The following ANO6 variants were observed in gnomAD, a reference collection of about 807,000 sequenced individuals.
The protein encoded by ANO6 is anoctamin 6.
ANO6 carries 106 observed loss-of-function variants against 117.5 expected under a neutral mutation model. That is an observed-to-expected ratio of 0.90 (90% confidence interval 0.77 to 1.06). The LOEUF (loss-of-function observed/expected upper bound fraction) is 1.06, where lower values mean the gene tolerates loss of function less well. ANO6 is among the 50% of genes least tolerant of loss of function. ANO6 has a pLI of 0.00. For missense variants in ANO6, 955 were observed against 1,121.1 expected (o/e 0.85, Z 2.12); for synonymous variants, 367 against 385.1 (o/e 0.95, Z 0.55).
intron 1 of ANO6, among the ~76,000 whole-genome samples, chr12:45,265,635 C>T (rs550114648): frequency 1.3e-5 from 2 of 152,138 alleles, no homozygotes; most frequent in African/African-American, 2.4e-5. Flanking sequence ...TCCAGTTAAC[C>T]TTCCCGATTC....
In ANO6 at chr12:45,431,105, A is replaced by G; in HGVS notation, c.*1794A>G. 1.6e-5 allele frequency: 16 copies of G among 985,452 alleles called. No individual in the cohort carries two copies. Among genetic ancestry groups the G allele is most frequent in the Non-Finnish European group, 1.9e-5 (16 of 829,922 alleles). The allele number at this position is 985,452 out of a possible 1,614,324, so 61.0% of individuals were successfully genotyped here. ...GTATTGTAGGCTTTTGAATTGTCCCAGTGGATCCGGGACCCCATTTCACTG... is the reference window on the plus strand; with the variant it reads ...GTATTGTAGGCTTTTGAATTGTCCCGGTGGATCCGGGACCCCATTTCACTG... On this transcript the variant is annotated 3_prime_UTR_variant, in exon 20 of 20. Transcript: ENST00000320560.
chr12:45,393,265 A>G (rs973042830), intron 12 of ANO6, among the ~76,000 whole-genome samples: 9 of 152,208 alleles, frequency 5.9e-5, no homozygotes, highest in Admixed American at 3.3e-4. Flanking sequence ...AGATCAAATT[A>G]ATGAAATAAA....
intron 1 of ANO6, among the ~76,000 whole-genome samples, chr12:45,300,674 T>C (rs1212496183): frequency 6.6e-6 from 1 of 152,184 alleles, no homozygotes; most frequent in African/African-American, 2.4e-5. Context: ...GCTGGACCTA[T>C]TGATAAATGA....
At chr12:45,224,427 A>ATG (rs553520702) in intron 1 of ANO6, among the ~76,000 whole-genome samples, 3 of 151,988 alleles carry the variant, frequency 2.0e-5, no homozygotes, top group Non-Finnish European at 4.4e-5. Flanking sequence ...ATATATACAT[A>ATG]TGTGTGTGTG....
At chr12:45,345,157 TG>T (rs1464592701) in intron 3 of ANO6, among the ~76,000 whole-genome samples, 1 of 152,226 alleles carries the variant, frequency 6.6e-6, no homozygotes, top group Non-Finnish European at 1.5e-5. Context: ...GAACAGTGTC[TG>T]GCATGTTTTA....
At chr12:45,314,698 A>G (rs1276406799) in intron 2 of ANO6, among the ~76,000 whole-genome samples, 1 of 152,032 alleles carries the variant, frequency 6.6e-6, no homozygotes, top group African/African-American at 2.4e-5. Context: ...TCAGGATTTT[A>G]CCAGGTCTTT....
intron 10 of ANO6, among the ~76,000 whole-genome samples, chr12:45,383,773 T>C (rs745980109): frequency 6.6e-6 from 1 of 152,214 alleles, no homozygotes; most frequent in Non-Finnish European, 1.5e-5. Flanking sequence ...CTAGGCTCTA[T>C]TGTTCCATTT....
chr12:45,391,574 A>G (rs1486036764), intron 12 of ANO6, among the ~76,000 whole-genome samples: 1 of 152,208 alleles, frequency 6.6e-6, no homozygotes, highest in African/African-American at 2.4e-5. Flanking sequence ...AAACATTAAA[A>G]AAAAAATTAA....
At chr12:45,425,458 C>T (rs1191091847) in intron 19 of ANO6, among the ~76,000 whole-genome samples, 3 of 152,128 alleles carry the variant, frequency 2.0e-5, no homozygotes, top group African/African-American at 4.8e-5. Context: ...AAATGCGGCA[C>T]ACCAAAAATA....
intron 3 of ANO6, among the ~76,000 whole-genome samples, chr12:45,332,308 TCTCACA>T (rs1434483585): frequency 4.0e-4 from 59 of 148,336 alleles, no homozygotes; most frequent in Admixed American, 1.3e-3. Context: ...TCTCTCTCTC[TCTCACA>T]CACACACACA....
chr12:45,262,397 C>G (rs1417832772), intron 1 of ANO6, among the ~76,000 whole-genome samples: 2 of 152,030 alleles, frequency 1.3e-5, no homozygotes, highest in Non-Finnish European at 2.9e-5. Flanking sequence ...GTTGTGCAAT[C>G]ACCACCACTA....
intron 1 of ANO6, among the ~76,000 whole-genome samples, chr12:45,282,548 G>A (rs551566683): frequency 1.3e-5 from 2 of 152,258 alleles, no homozygotes; most frequent in Admixed American, 6.5e-5. Context: ...ATGTAAAATG[G>A]GCATTAGGTT....
At chr12:45,340,116 T>A (rs948416574) in intron 3 of ANO6, among the ~76,000 whole-genome samples, 10 of 151,878 alleles carry the variant, frequency 6.6e-5, no homozygotes, top group African/African-American at 2.4e-4. Context: ...CCAAATGAGA[T>A]GTGTAATGTG....
rs544222702 is a variant in ANO6, at chr12:45,431,034, C to T, written c.*1723C>T. 6 of 985,380 alleles carry T rather than the reference C, an allele frequency of 6.1e-6. No individual in the cohort carries two copies. In the East Asian group the frequency reaches 6.8e-4, roughly 112 times the overall value. 61.0% of individuals were successfully genotyped at this position (985,380 alleles called of 1,614,324 possible). On this transcript the variant is annotated 3_prime_UTR_variant, in exon 20 of 20. Coordinates refer to ENST00000320560, the MANE Select transcript of ANO6 (RefSeq NM_001025356.3). ...CTAGGTCATGATTGATTTCAAATGC[C>T]TGCCATGAATGATTTGTAAGTAATT...
intron 1 of ANO6, among the ~76,000 whole-genome samples, chr12:45,288,493 C>T (rs1276338428): frequency 6.6e-6 from 1 of 152,198 alleles, no homozygotes; most frequent in Non-Finnish European, 1.5e-5. Context: ...ATCCTACATT[C>T]TTTGTCCTTT....
chr12:45,386,695 C>T (rs1942308339), intron 10 of ANO6, among the ~76,000 whole-genome samples: 1 of 152,250 alleles, frequency 6.6e-6, no homozygotes, highest in African/African-American at 2.4e-5. Context: ...TGTGCCCCTG[C>T]AGAGCTCTTA....
rs1592060013 is a variant in ANO6, at chr12:45,431,085, G to T, written c.*1774G>T. On this transcript the variant is annotated 3_prime_UTR_variant, in exon 20 of 20. Transcript: ENST00000320560. Reference sequence around the variant, plus strand: ...ATGTAGGATCCATCAAAGCAGTATTGTAGGCTTTTGAATTGTCCCAGTGGA... The same window carrying T: ...ATGTAGGATCCATCAAAGCAGTATTTTAGGCTTTTGAATTGTCCCAGTGGA... 3 of 985,272 alleles carry T rather than the reference G, an allele frequency of 3.0e-6. No individual in the cohort carries two copies. The highest frequency in any genetic ancestry group is 1.2e-4 in the Admixed American group (2 of 16,262). The allele number at this position is 985,272 out of a possible 1,614,324, so 61.0% of individuals were successfully genotyped here.
At chr12:45,311,429 G>A (rs917676902) in intron 2 of ANO6, among the ~76,000 whole-genome samples, 2 of 151,996 alleles carry the variant, frequency 1.3e-5, no homozygotes, top group Non-Finnish European at 2.9e-5. Context: ...CAGAATAAAG[G>A]AAATACTAGG....
intron 1 of ANO6, among the ~76,000 whole-genome samples, chr12:45,223,002 T>C (rs1947428571): frequency 6.6e-6 from 1 of 152,256 alleles, no homozygotes; most frequent in South Asian, 2.1e-4. Flanking sequence ...TCTGGATAGC[T>C]GAACAGTGGA....
Sources: gnomAD v4.1 joint callset for allele counts (sites outside exome capture counted in the v4.1 genomes callset) on GRCh38, gnomAD v4.1.1 for gene constraint, MANE v1.5 for transcripts, NCBI Gene and HGNC (gene_info 2026-07-23, HGNC 2026-07-21) for gene names.